Variants in CFDP1 observed in about 807,000 individuals in gnomAD.
CFDP1 encodes heterochromatin-stabilizing protein CFDP1.
Under a neutral mutation model 40.1 loss-of-function variants are expected in CFDP1, and 31 were observed. That is an observed-to-expected ratio of 0.77 (90% CI 0.58 to 1.04). The LOEUF (loss-of-function observed/expected upper bound fraction) is 1.04, where lower values mean the gene tolerates loss of function less well. CFDP1 is among the 50% of genes least tolerant of loss of function. CFDP1 has a pLI of 0.00. For synonymous variants in CFDP1, 167 were observed against 120.0 expected (o/e 1.39, Z -2.56); for missense variants, 423 against 343.4 (o/e 1.23, Z -1.83).
intron 5 of CFDP1, among the ~76,000 whole-genome samples, chr16:75,391,791 A>G (rs2078953726): frequency 6.6e-6 from 1 of 151,734 alleles, no homozygotes; most frequent in Non-Finnish European, 1.5e-5. Flanking sequence ...CAACATGGTG[A>G]AACCCCGTCT....
chr16:75,337,840 G>A (rs1045214618), intron 5 of CFDP1, among the ~76,000 whole-genome samples: 2 of 152,108 alleles, frequency 1.3e-5, no homozygotes, highest in East Asian at 1.9e-4. Flanking sequence ...AGATTTGGGC[G>A]GGGCACTAAT....
At chr16:75,346,890 A>T (rs971790307) in intron 5 of CFDP1, among the ~76,000 whole-genome samples, 1 of 152,084 alleles carries the variant, frequency 6.6e-6, no homozygotes, top group Non-Finnish European at 1.5e-5. Context: ...CTGAAAAAAA[A>T]TTCTGCTTAG....
At position 75,433,328 on chromosome 16, in the gene CFDP1, A is replaced by C; in HGVS notation, c.25T>G (p.Phe9Val). The C allele has an allele frequency of 6.3e-7, 1 of 1,599,870 alleles. No homozygotes were observed. The highest frequency in any genetic ancestry group is 1.1e-5 in the South Asian group (1 of 89,186). ...TCCTCGTCCTCCTCCGACGTAGAGA[A>C]GTCTTCGGAGTCGAATTCCTCCATG... is the stretch of plus-strand genomic sequence containing the variant. The part of the protein sequence containing the change: MEEFDSED[F>V]STSEEDEDYV... The change falls in exon 1 of 7, where the codon TTC becomes GTC. Residue 9 changes from phenylalanine to valine, a missense_variant. Phe to Val is a conservative substitution (Grantham distance 50, BLOSUM62 -1). Transcript: ENST00000283882.
At chr16:75,332,263 G>A (rs978168172) in intron 5 of CFDP1, among the ~76,000 whole-genome samples, 2 of 152,010 alleles carry the variant, frequency 1.3e-5, no homozygotes, top group Admixed American at 1.3e-4. Context: ...TCAGGAGTTC[G>A]AGACCCGCCT....
At chr16:75,343,780 G>A (rs2078542911) in intron 5 of CFDP1, among the ~76,000 whole-genome samples, 1 of 152,180 alleles carries the variant, frequency 6.6e-6, no homozygotes, top group South Asian at 2.1e-4. Context: ...GTTAATCAAT[G>A]CAGGGTCATC....
intron 5 of CFDP1, among the ~76,000 whole-genome samples, chr16:75,369,392 A>C (rs1213294284): frequency 6.6e-6 from 1 of 150,428 alleles, no homozygotes; most frequent in East Asian, 1.9e-4. Context: ...CAAAAAAAAC[A>C]AAAACAAAAC....
intron 5 of CFDP1, among the ~76,000 whole-genome samples, chr16:75,319,210 A>G (rs187173603): frequency 1.1e-4 from 17 of 152,042 alleles, no homozygotes; most frequent in African/African-American, 3.9e-4. Flanking sequence ...TGCCCAGCTA[A>G]TTTTTGTATT....
chr16:75,427,829 T>C lies in CFDP1; in HGVS notation c.64+5460A>G, dbSNP rs149023677. ...CAGCTTTATTTGTAATCATAAAAAATTGGAAACAACCCAGTGTCTTTCAAA... is the reference window on the plus strand; with the variant it reads ...CAGCTTTATTTGTAATCATAAAAAACTGGAAACAACCCAGTGTCTTTCAAA... On this transcript the variant is annotated intron_variant, in intron 1 of 6. Transcript: ENST00000283882. Among the ~76,000 whole-genome samples, 495 of 152,304 alleles carry C rather than the reference T, an allele frequency of 3.3e-3. 1 individual carries two copies. The highest frequency in any genetic ancestry group is 0.01 in the African/African-American group (420 of 41,564).
At chr16:75,354,442 C>T (rs1332062449) in intron 5 of CFDP1, among the ~76,000 whole-genome samples, 2 of 152,102 alleles carry the variant, frequency 1.3e-5, no homozygotes, top group Admixed American at 1.3e-4. Flanking sequence ...GTCTGCCTAA[C>T]TCCAGCCTTA....
intron 6 of CFDP1, among the ~76,000 whole-genome samples, chr16:75,296,023 C>T (rs981271647): frequency 4.6e-5 from 7 of 152,122 alleles, no homozygotes; most frequent in African/African-American, 1.7e-4. Context: ...CCACGGGGAC[C>T]AGGATTTTGA....
intron 5 of CFDP1, among the ~76,000 whole-genome samples, chr16:75,366,460 C>CA (rs1172100660): frequency 6.6e-6 from 1 of 151,748 alleles, no homozygotes; most frequent in Non-Finnish European, 1.5e-5. Context: ...CTGTCTCTAC[C>CA]AAAAATGCAA....
chr16:75,403,782 A>C (rs2079075463), intron 4 of CFDP1, among the ~76,000 whole-genome samples: 2 of 152,198 alleles, frequency 1.3e-5, no homozygotes, highest in Non-Finnish European at 2.9e-5. Flanking sequence ...GTACAACTCA[A>C]CAGCTTCCAG....
At chr16:75,324,319 G>A (rs1257972902) in intron 5 of CFDP1, among the ~76,000 whole-genome samples, 1 of 152,164 alleles carries the variant, frequency 6.6e-6, no homozygotes, top group Non-Finnish European at 1.5e-5. Flanking sequence ...CAGGCACTGA[G>A]ATGTGTGTGA....
intron 5 of CFDP1, among the ~76,000 whole-genome samples, chr16:75,381,686 T>C (rs1321245503): frequency 1.3e-5 from 2 of 152,110 alleles, no homozygotes; most frequent in Non-Finnish European, 1.5e-5. Context: ...ACTTCTGTAA[T>C]ATGGGAGGAT....
At chr16:75,308,640 G>A (rs1027430440) in intron 5 of CFDP1, among the ~76,000 whole-genome samples, 3 of 152,032 alleles carry the variant, frequency 2.0e-5, no homozygotes, top group African/African-American at 4.8e-5. Flanking sequence ...TCTTTAGAGC[G>A]CTTCTACACT....
chr16:75,312,156 T>A (rs2078296866), intron 5 of CFDP1, among the ~76,000 whole-genome samples: 1 of 152,130 alleles, frequency 6.6e-6, no homozygotes, highest in Non-Finnish European at 1.5e-5. Flanking sequence ...AATCTCTAAG[T>A]AATCTCCCCA....
intron 5 of CFDP1, among the ~76,000 whole-genome samples, chr16:75,393,648 G>A (rs1162652352): frequency 6.1e-5 from 9 of 147,848 alleles, no homozygotes; most frequent in African/African-American, 1.5e-4. Context: ...GGAGAAGGGC[G>A]TGAACCCGGG....
At chr16:75,414,876 T>G (rs971573089) in intron 1 of CFDP1, among the ~76,000 whole-genome samples, 181 bp from the exon 2 acceptor site, 1 of 152,180 alleles carries the variant, frequency 6.6e-6, no homozygotes, top group East Asian at 1.9e-4. Context: ...CCCTGAAGAC[T>G]ACCCTACGTT....
chr16:75,352,446 T>C (rs2078619482), intron 5 of CFDP1, among the ~76,000 whole-genome samples: 1 of 152,108 alleles, frequency 6.6e-6, no homozygotes, highest in African/African-American at 2.4e-5. Context: ...GAGAAGGAGA[T>C]GAGACTTATT....
Sources: gnomAD v4.1 joint callset for allele counts (sites outside exome capture counted in the v4.1 genomes callset) on GRCh38, gnomAD v4.1.1 for gene constraint, MANE v1.5 for transcripts, NCBI Gene and HGNC (gene_info 2026-07-23, HGNC 2026-07-21) for gene names.